Variants in BCAP29 observed in about 807,000 individuals in gnomAD.
The protein encoded by BCAP29 is B-cell receptor-associated protein 29.
In BCAP29, 34 loss-of-function variants were observed where a neutral mutation model predicts 31.8. The ratio of observed to expected loss-of-function variants is 1.07; its 90% CI spans 0.81 to 1.42. The LOEUF (loss-of-function observed/expected upper bound fraction) is 1.42. Ranked by LOEUF, BCAP29 falls within the 40% of genes most tolerant of loss-of-function variation. The probability of loss-of-function intolerance (pLI) is 0.00; values close to 1 mark genes in which losing one functional copy is unlikely to be tolerated. For missense variants in BCAP29, 314 were observed against 269.2 expected, an observed-to-expected ratio of 1.17 and a Z score of -1.16; for synonymous variants, 104 against 91.3, an observed-to-expected ratio of 1.14 and a Z score of -0.79.
intron 6 of BCAP29, among the ~76,000 whole-genome samples, chr7:107,610,583 A>T (rs763355784): frequency 6.6e-6 from 1 of 152,202 alleles, no homozygotes; most frequent in Non-Finnish European, 1.5e-5. Flanking sequence ...AGCCTCCCCT[A>T]ATTGGAGTGA....
chr7:107,591,130 A>G (rs1808672561), intron 3 of BCAP29, among the ~76,000 whole-genome samples: 1 of 151,210 alleles, frequency 6.6e-6, no homozygotes, highest in South Asian at 2.1e-4. Flanking sequence ...ATCAAAATAA[A>G]TGGGGATTTT....
Position 107,600,506 on chromosome 7 carries a change from G to C in BCAP29, c.589+1G>C. On this transcript the variant is annotated splice_donor_variant, in intron 6 of 7. Transcript: ENST00000005259. LOFTEE classifies it high-confidence loss of function. ...ACTGAATTAAGGAAGACTTCAGATG[G>C]TAACTTTGTGTACATGTGAAAAAGT... 6.6e-7 allele frequency: 1 copy of C among 1,522,866 alleles called. No homozygotes were observed. The highest frequency in any genetic ancestry group is 9.1e-7 in the Non-Finnish European group (1 of 1,101,180). The allele number at this position is 1,522,866 out of a possible 1,614,324, so 94.3% of individuals were successfully genotyped here.
intron 7 of BCAP29, among the ~76,000 whole-genome samples, chr7:107,614,956 G>A (rs1813849423): frequency 6.6e-6 from 1 of 152,176 alleles, no homozygotes; most frequent in African/African-American, 2.4e-5. Context: ...CTCTTGCCTA[G>A]AAATACAACA....
In BCAP29 at chr7:107,618,788, A is replaced by G; in HGVS notation, c.*425A>G. Reference sequence around the variant, plus strand: ...GATGTGTTTGAAAATAGTGTTCAATATCAGCAAATTTGTACACAGGGAATG... The same window carrying G: ...GATGTGTTTGAAAATAGTGTTCAATGTCAGCAAATTTGTACACAGGGAATG... On this transcript the variant is annotated 3_prime_UTR_variant, in exon 8 of 8. Transcript: ENST00000005259. The G allele has an allele frequency of 2.2e-6, 1 of 458,804 alleles. No homozygotes were observed. The highest frequency in any genetic ancestry group is 3.9e-6 in the Non-Finnish European group (1 of 257,824). The allele number at this position is 458,804 out of a possible 1,614,324, so 28.4% of individuals were successfully genotyped here. A position where few individuals can be genotyped will look rare whatever the true frequency, so the allele number is the denominator to read the frequency against.
At chr7:107,589,835 A>G (rs764140030) in intron 3 of BCAP29, among the ~76,000 whole-genome samples, 1 of 152,152 alleles carries the variant, frequency 6.6e-6, no homozygotes, top group Non-Finnish European at 1.5e-5. Context: ...TTGTTGTTTT[A>G]TAGAGACAGA....
At chr7:107,589,456 C>T (rs1405313263) in intron 3 of BCAP29, among the ~76,000 whole-genome samples, 1 of 152,166 alleles carries the variant, frequency 6.6e-6, no homozygotes, top group African/African-American at 2.4e-5. Context: ...ACCTAGATCC[C>T]TTGCACGCGC....
chr7:107,598,921 ACACACACACACG>A lies in BCAP29; in HGVS notation c.481-1472_481-1461del, dbSNP rs1353345890. 6.7e-3 allele frequency among the ~76,000 whole-genome samples: 805 copies of A among 119,696 alleles called. 12 individuals are homozygous for A. Among genetic ancestry groups the A allele is most frequent in the African/African-American group, 0.011 (320 of 28,838 alleles). 78.5% of individuals were successfully genotyped at this position (119,696 alleles called of 152,430 possible). ...CACACACACACACACACACACACAC[ACACACACACACG>A]CACGCACATATATGTGCACACGTGT... On this transcript the variant is annotated intron_variant, in intron 5 of 7. Coordinates refer to ENST00000005259, the MANE Select transcript of BCAP29 (RefSeq NM_018844.4).
At chr7:107,616,803 A>G (rs1158747489) in intron 7 of BCAP29, among the ~76,000 whole-genome samples, 1 of 152,028 alleles carries the variant, frequency 6.6e-6, no homozygotes, top group African/African-American at 2.4e-5. Flanking sequence ...CAGTGGCACA[A>G]TCTCAGCTCG....
chr7:107,609,971 C>T (rs1327042601), intron 6 of BCAP29, among the ~76,000 whole-genome samples: 1 of 152,202 alleles, frequency 6.6e-6, no homozygotes, highest in Non-Finnish European at 1.5e-5. Flanking sequence ...CATTTCCTGG[C>T]AGAGCTTTAC....
intron 5 of BCAP29, chr7:107,600,113 T>C: frequency 2.7e-6 from 1 of 374,852 alleles, no homozygotes; most frequent in Non-Finnish European, 5.0e-6. Flanking sequence ...AGACTGACGT[T>C]ATTTACCTAA....
intron 7 of BCAP29, chr7:107,615,838 GTTGTT>G: frequency 6.4e-6 from 1 of 155,208 alleles, no homozygotes; most frequent in Non-Finnish European, 1.4e-5. Context: ...CTTCGTATAT[GTTGTT>G]TTGTTTACTC....
chr7:107,615,896 T>C (rs576629252), intron 7 of BCAP29: 17 of 152,458 alleles, frequency 1.1e-4, no homozygotes, highest in African/African-American at 3.8e-4. Context: ...ATATCCCTAT[T>C]TTGTGAATGA....
At chr7:107,580,934 T>G in intron 2 of BCAP29, 70 bp downstream of exon 2, 1 of 1,208,594 alleles carries the variant, frequency 8.3e-7, no homozygotes, top group Non-Finnish European at 1.1e-6. Context: ...AAAAGTTTTC[T>G]GAACATTAAA....
At chr7:107,586,815 C>T (rs1807787570) in intron 3 of BCAP29, among the ~76,000 whole-genome samples, 1 of 150,964 alleles carries the variant, frequency 6.6e-6, no homozygotes, top group Non-Finnish European at 1.5e-5. Flanking sequence ...GCAACCTCCA[C>T]TTTCCAGGCT....
chr7:107,614,120 A>C (rs1813708774), intron 7 of BCAP29, among the ~76,000 whole-genome samples: 1 of 152,148 alleles, frequency 6.6e-6, no homozygotes, highest in South Asian at 2.1e-4. Context: ...CTTCCCTCCC[A>C]GTTTCTCCCA....
At chr7:107,606,299 T>C (rs1812078230) in intron 6 of BCAP29, among the ~76,000 whole-genome samples, 1 of 152,250 alleles carries the variant, frequency 6.6e-6, no homozygotes, top group African/African-American at 2.4e-5. Flanking sequence ...AGTTAAACTT[T>C]AATGTCTATT....
chr7:107,608,248 G>A (rs1812496412), intron 6 of BCAP29, among the ~76,000 whole-genome samples: 2 of 151,950 alleles, frequency 1.3e-5, no homozygotes, highest in South Asian at 4.1e-4. Context: ...CTCCTTGAAA[G>A]CAGAGTATCT....
intron 2 of BCAP29, among the ~76,000 whole-genome samples, chr7:107,581,244 C>G (rs1182169360): frequency 6.6e-6 from 1 of 152,174 alleles, no homozygotes; most frequent in African/African-American, 2.4e-5. Flanking sequence ...TACAGTACAG[C>G]ATGGGTGTAA....
intron 6 of BCAP29, 89 bp from the exon 7 acceptor site, chr7:107,613,241 CTA>C (rs1323889801): frequency 5.3e-5 from 44 of 831,438 alleles, no homozygotes; most frequent in African/African-American, 4.3e-4. Context: ...TGAGTAAAGA[CTA>C]TACAGGAGTT....
Sources: gnomAD v4.1 joint callset for allele counts (sites outside exome capture counted in the v4.1 genomes callset) on GRCh38, gnomAD v4.1.1 for gene constraint, MANE v1.5 for transcripts, NCBI Gene and HGNC (gene_info 2026-07-23, HGNC 2026-07-21) for gene names.